Variants in MED12L observed in about 807,000 individuals in gnomAD.
MED12L encodes mediator of RNA polymerase II transcription subunit 12-like protein.
In MED12L, 60 loss-of-function variants were observed where a neutral mutation model predicts 281.3. That is an observed-to-expected ratio of 0.21 (90% confidence interval 0.17 to 0.26). The LOEUF (loss-of-function observed/expected upper bound fraction) is 0.26. Ranked by LOEUF, MED12L falls within the 10% of genes least tolerant of loss-of-function variation. MED12L has a pLI of 1.00. For synonymous variants in MED12L, 974 were observed against 987.2 expected, an observed-to-expected ratio of 0.99 and a Z score of 0.25; for missense variants, 2,146 against 2,680.9, an observed-to-expected ratio of 0.80 and a Z score of 4.41.
intron 16 of MED12L, among the ~76,000 whole-genome samples, chr3:151,282,902 G>A (rs1363987642): frequency 1.3e-5 from 2 of 152,174 alleles, no homozygotes; most frequent in Non-Finnish European, 2.9e-5. Flanking sequence ...CCTATGTGAA[G>A]CATTCAGTTC....
chr3:151,156,206 A>G lies in MED12L; in HGVS notation c.602A>G (p.Lys201Arg). ...STRYLREQLA[K>R]ISDFYHMASS... ...AGATATCTTCGAGAGCAGTTGGCCA[A>G]GATTTCTGACTTTTACCACATGGCC... Residue 201 changes from lysine to arginine, a missense_variant, in exon 6 of 45, where the codon AAG becomes AGG. Coordinates refer to ENST00000687756, the MANE Select transcript of MED12L (RefSeq NM_001393769.1). The G allele has an allele frequency of 6.2e-7, 1 of 1,613,076 alleles. No homozygotes were observed. Among genetic ancestry groups the G allele is most frequent in the Non-Finnish European group, 8.5e-7 (1 of 1,179,630 alleles).
intron 2 of MED12L, 32 bp downstream of exon 2, chr3:151,087,057 G>C (rs1474327746): frequency 6.4e-7 from 1 of 1,559,184 alleles, no homozygotes; most frequent in Non-Finnish European, 8.7e-7. Flanking sequence ...CCGGCAACCG[G>C]GGCCGCGCTC....
In MED12L at chr3:151,384,097, C is replaced by G; in HGVS notation, c.4805C>G (p.Thr1602Arg). The part of the protein sequence containing the change: ...DMHTNNELFT[T>R]VLDMLGVLIN... Reference sequence around the variant, plus strand: ...TTCTTTCTTAGTGAATTATTCACAACAGTTCTTGACATGCTGGGTGTTTTA... The same window carrying G: ...TTCTTTCTTAGTGAATTATTCACAAGAGTTCTTGACATGCTGGGTGTTTTA... The change falls in exon 35 of 45, where the codon ACA becomes AGA. Residue 1602 changes from threonine to arginine, a missense_variant. Thr to Arg is a moderately conservative substitution (Grantham distance 71). This residue lies in a region of MED12L where 212 missense variants were observed against 340.8 expected (regional missense o/e 0.62). Coordinates refer to ENST00000687756, the MANE Select transcript of MED12L (RefSeq NM_001393769.1). 2 of 1,613,412 alleles carry G rather than the reference C, an allele frequency of 1.2e-6. No homozygotes were observed. Among genetic ancestry groups the G allele is most frequent in the Non-Finnish European group, 1.7e-6 (2 of 1,179,712 alleles).
At chr3:151,243,386 A>G (rs1734648748) in intron 16 of MED12L, among the ~76,000 whole-genome samples, 1 of 132,302 alleles carries the variant, frequency 7.6e-6, no homozygotes, top group Non-Finnish European at 1.6e-5. Context: ...GTTACCCTCA[A>G]AGGGAAGCCC....
chr3:151,206,169 A>G (rs1726330556), intron 16 of MED12L, among the ~76,000 whole-genome samples: 1 of 150,284 alleles, frequency 6.7e-6, no homozygotes, highest in South Asian at 2.1e-4. Context: ...TTTAAATCTG[A>G]GAGTGACTGA....
intron 43 of MED12L, among the ~76,000 whole-genome samples, chr3:151,419,268 T>G (rs1292062932): frequency 6.6e-6 from 1 of 152,222 alleles, no homozygotes. Context: ...TATTAAGTAT[T>G]AACTCACATG....
intron 2 of MED12L, among the ~76,000 whole-genome samples, chr3:151,088,766 A>G (rs1719614143): frequency 6.6e-6 from 1 of 152,212 alleles, no homozygotes; most frequent in Non-Finnish European, 1.5e-5. Flanking sequence ...AGGCCTGGGA[A>G]AGCTTGACTC....
chr3:151,307,331 C>G (rs1417775568), intron 16 of MED12L, among the ~76,000 whole-genome samples: 1 of 152,120 alleles, frequency 6.6e-6, no homozygotes, highest in Admixed American at 6.6e-5. Flanking sequence ...GTATTCATAG[C>G]ACATTTCATT....
intron 11 of MED12L, among the ~76,000 whole-genome samples, chr3:151,180,081 A>G (rs1370196415): frequency 6.6e-6 from 1 of 152,208 alleles, no homozygotes; most frequent in Non-Finnish European, 1.5e-5. Flanking sequence ...AAGATTTTGA[A>G]ATGCATAACT....
intron 32 of MED12L, among the ~76,000 whole-genome samples, chr3:151,382,176 C>A (rs1244103914): frequency 6.6e-6 from 1 of 151,944 alleles, no homozygotes; most frequent in East Asian, 1.9e-4. Flanking sequence ...TTTCAAAGTA[C>A]CGTGCGTTCT....
chr3:151,334,590 C>G (rs1033887490), intron 16 of MED12L, among the ~76,000 whole-genome samples: 1 of 152,086 alleles, frequency 6.6e-6, no homozygotes, highest in Non-Finnish European at 1.5e-5. Flanking sequence ...ACTGCAACCT[C>G]GTGTGTTCAA....
At chr3:151,152,086 T>TTG (rs1718609380) in intron 5 of MED12L, among the ~76,000 whole-genome samples, 1 of 14,234 alleles carries the variant, frequency 7.0e-5, no homozygotes, top group East Asian at 5.5e-3. Context: ...TTGAAGGTGG[T>TTG]TTTTTTTTTT....
At chr3:151,226,772 G>A (rs928547620) in intron 16 of MED12L, among the ~76,000 whole-genome samples, 30 of 152,080 alleles carry the variant, frequency 2.0e-4, no homozygotes, top group African/African-American at 7.0e-4. Flanking sequence ...CTTTTGATTT[G>A]CCAGTTTCTA....
intron 16 of MED12L, among the ~76,000 whole-genome samples, chr3:151,264,696 C>T (rs542973708): frequency 6.6e-6 from 1 of 152,298 alleles, no homozygotes; most frequent in Non-Finnish European, 1.5e-5. Context: ...CCTACCCCAG[C>T]CAGCTGCAAG....
chr3:151,361,070 A>G (rs1754549030), intron 21 of MED12L, among the ~76,000 whole-genome samples: 1 of 151,956 alleles, frequency 6.6e-6, no homozygotes, highest in East Asian at 1.9e-4. Context: ...ATCCCTCTTG[A>G]TTTTGATATC....
chr3:151,291,749 C>G (rs1413130210), intron 16 of MED12L, among the ~76,000 whole-genome samples: 2 of 152,098 alleles, frequency 1.3e-5, no homozygotes, highest in Non-Finnish European at 2.9e-5. Flanking sequence ...TGTTATTTAG[C>G]TCATGTAAAT....
At chr3:151,358,924 A>G (rs1290800605) in intron 20 of MED12L, among the ~76,000 whole-genome samples, 3 of 152,168 alleles carry the variant, frequency 2.0e-5, no homozygotes, top group Non-Finnish European at 4.4e-5. Context: ...TTTATAGATA[A>G]TATCAGGATT....
chr3:151,100,761 T>A (rs1721290580), intron 2 of MED12L, among the ~76,000 whole-genome samples: 1 of 152,180 alleles, frequency 6.6e-6, no homozygotes, highest in Non-Finnish European at 1.5e-5. Flanking sequence ...ACATTTCTAC[T>A]ACTCACTTGA....
Position 151,245,613 on chromosome 3 carries a change from T to A in MED12L, c.2250+51947T>A, listed in dbSNP as rs1472478582. 2.7e-5 allele frequency among the ~76,000 whole-genome samples: 4 copies of A among 150,372 alleles called. No homozygotes were observed. The East Asian group carries it at 7.8e-4, about 29-fold the overall frequency. ...CTCAATAAATTAGGTATTGATGGGA[T>A]GTATTTCAAAATAATAAGAGCTATC... On this transcript the variant is annotated intron_variant, in intron 16 of 44. Transcript: ENST00000687756.
Sources: allele counts gnomAD v4.1 joint callset (sites outside exome capture counted in the v4.1 genomes callset), GRCh38; gene constraint gnomAD v4.1.1; regional missense constraint gnomAD v4.1.1; transcripts MANE v1.5; gene names NCBI Gene and HGNC (gene_info 2026-07-23, HGNC 2026-07-21).